CCT4: variants seen among roughly 807,000 people sequenced by gnomAD.
CCT4 encodes chaperonin containing TCP1 subunit 4, also known as T-complex protein 1 subunit delta.
Under a neutral mutation model 62.5 loss-of-function variants are expected in CCT4, and 17 were observed. The observed-to-expected ratio is 0.27, with a 90% CI of 0.19 to 0.41. The LOEUF (loss-of-function observed/expected upper bound fraction) is 0.41, where lower values mean the gene tolerates loss of function less well. Ranked by LOEUF, CCT4 falls within the 10% of genes least tolerant of loss-of-function variation. CCT4 has a pLI of 1.00. For synonymous variants in CCT4, 250 were observed against 229.9 expected (o/e 1.09, Z -0.79); for missense variants, 592 against 659.2 (o/e 0.90, Z 1.12).
intron 1 of CCT4, among the ~76,000 whole-genome samples, chr2:61,887,361 G>A (rs2105144985): frequency 6.6e-6 from 1 of 152,182 alleles, no homozygotes; most frequent in South Asian, 2.1e-4. Context: ...CTTTCTCACT[G>A]AATCCTCACA....
intron 1 of CCT4, chr2:61,885,702 A>G (rs6545916): frequency 0.97 from 147,376 of 152,308 alleles, 71,312 homozygotes; most frequent in East Asian, 1. Context: ...GTGAGCCACC[A>G]CGCCTGGCCT....
At chr2:61,875,713 T>C (rs1668983716) in intron 8 of CCT4, among the ~76,000 whole-genome samples, 1 of 152,196 alleles carries the variant, frequency 6.6e-6, no homozygotes, top group Non-Finnish European at 1.5e-5. Flanking sequence ...AAATAAGTTT[T>C]TTAAAAGGCC....
Position 61,876,209 on chromosome 2 carries a change from T to C in CCT4, c.803A>G (p.Asp268Gly), listed in dbSNP as rs1193787550. 6.2e-7 allele frequency: 1 copy of C among 1,607,940 alleles called. No individual in the cohort carries two copies. ...TDMDNQIVVS[D>G]YAQMDRVLRE... is the part of the protein sequence containing the mutation. ...CAGCACTCGGTCCATCTGGGCATAG[T>C]CAGAAACCACTATTTGATTATCCAT... Residue 268 changes from aspartate (D) to glycine (G), a missense_variant, in exon 8 of 14, where the codon GAC becomes GGC. By Grantham distance (94) the Asp-to-Gly change is moderately conservative. Coordinates refer to ENST00000394440, the MANE Select transcript of CCT4 (RefSeq NM_006430.4).
chr2:61,876,240 C>T lies in CCT4; in HGVS notation c.778-6G>A, dbSNP rs753925152. The T allele has an allele frequency of 9.5e-6, 15 of 1,571,024 alleles. No homozygotes were observed. In the South Asian group the frequency reaches 1.7e-4, roughly 18 times the overall value. ...ACCACTATTTGATTATCCATCTGTT[C>T]AGAAAAAGAACATCATAATTTGCAT... On this transcript the variant is annotated splice_polypyrimidine_tract_variant and splice_region_variant and intron_variant, in intron 7 of 13. Coordinates refer to ENST00000394440, the MANE Select transcript of CCT4 (RefSeq NM_006430.4).
intron 10 of CCT4, 108 bp downstream of exon 10, chr2:61,872,894 T>C: frequency 1.3e-6 from 1 of 745,626 alleles, no homozygotes; most frequent in Non-Finnish European, 2.4e-6. Context: ...GCCACTGCAC[T>C]CCAACCTGGG....
At position 61,872,382 on chromosome 2, in the gene CCT4, A is replaced by T; in HGVS notation, c.1257-66T>A. On this transcript the variant is annotated intron_variant, in intron 11 of 13. Transcript: ENST00000394440. ...AGAAAATTATTTTTAATAATTTGCTATTTATATCTTTAAAAAATAGAATAT... is the reference window on the plus strand; with the variant it reads ...AGAAAATTATTTTTAATAATTTGCTTTTTATATCTTTAAAAAATAGAATAT... 4 of 1,429,712 alleles carry T rather than the reference A, an allele frequency of 2.8e-6. No individual in the cohort carries two copies. The East Asian group carries it at 7.6e-5, about 27-fold the overall frequency. The allele number at this position is 1,429,712 out of a possible 1,614,324, so 88.6% of individuals were successfully genotyped here.
At chr2:61,887,255 G>C (rs961878670) in intron 1 of CCT4, among the ~76,000 whole-genome samples, 1 of 152,156 alleles carries the variant, frequency 6.6e-6, no homozygotes, top group African/African-American at 2.4e-5. Context: ...CTTACATCCA[G>C]CGTTACCTAT....
At chr2:61,877,164 C>T in intron 6 of CCT4, 112 bp from the exon 7 acceptor site, 2 of 1,034,086 alleles carry the variant, frequency 1.9e-6, no homozygotes, top group Non-Finnish European at 1.4e-6. Context: ...TTCAGCCTCA[C>T]ATTTATTATT....
chr2:61,872,016 A>G, intron 12 of CCT4, 66 bp downstream of exon 12: 1 of 1,110,612 alleles, frequency 9.0e-7, no homozygotes, highest in South Asian at 1.5e-5. Context: ...CATTCAACAG[A>G]TGACTACAAA....
At chr2:61,872,670 G>A in intron 10 of CCT4, 82 bp from the exon 11 acceptor site, 1 of 1,432,384 alleles carries the variant, frequency 7.0e-7, no homozygotes, top group Non-Finnish European at 9.6e-7. Flanking sequence ...GCTCACGCCT[G>A]TAAACCCAAC....
intron 8 of CCT4, among the ~76,000 whole-genome samples, chr2:61,874,336 C>T (rs1668951894): frequency 6.6e-6 from 1 of 152,066 alleles, no homozygotes; most frequent in Admixed American, 6.6e-5. Flanking sequence ...GGAAAAAATA[C>T]TGGCCAGGCA....
At chr2:61,886,727 TC>T (rs1307282126) in intron 1 of CCT4, among the ~76,000 whole-genome samples, 2 of 152,170 alleles carry the variant, frequency 1.3e-5, no homozygotes, top group African/African-American at 4.8e-5. Flanking sequence ...TTGTTGAATA[TC>T]AACCATATTA....
At chr2:61,882,586 G>A (rs1290281635) in intron 3 of CCT4, among the ~76,000 whole-genome samples, 1 of 151,732 alleles carries the variant, frequency 6.6e-6, no homozygotes, top group Non-Finnish European at 1.5e-5. Context: ...CGCAATCACA[G>A]CTCACTACCT....
intron 12 of CCT4, among the ~76,000 whole-genome samples, chr2:61,870,981 A>G (rs1384657787): frequency 0.014 from 2 of 142 alleles, no homozygotes; most frequent in Non-Finnish European, 0.029. Context: ...ACGGGAAGGA[A>G]AAAAAAAATG....
At chr2:61,884,660 C>G (rs1222196226) in intron 2 of CCT4, among the ~76,000 whole-genome samples, 2 of 150,862 alleles carry the variant, frequency 1.3e-5, no homozygotes, top group Non-Finnish European at 3.0e-5. Flanking sequence ...TAGAGTTTTG[C>G]TTTTATTGCC....
At chr2:61,870,020 G>C (rs1464154259) in intron 12 of CCT4, among the ~76,000 whole-genome samples, 1 of 149,456 alleles carries the variant, frequency 6.7e-6, no homozygotes, top group African/African-American at 2.4e-5. Context: ...GCTCACGCCT[G>C]TAATCCCAGC....
At chr2:61,877,370 A>C (rs752256824) in intron 6 of CCT4, 23 bp downstream of exon 6, 1 of 1,595,414 alleles carries the variant, frequency 6.3e-7, no homozygotes, top group East Asian at 2.2e-5. Flanking sequence ...ATTTTTATTC[A>C]AGTTGTAATT....
chr2:61,878,854 T>TA lies in CCT4; in HGVS notation c.522+14dup, dbSNP rs761609122. 36 of 1,588,252 alleles carry TA rather than the reference T, an allele frequency of 2.3e-5. No homozygotes were observed. The Admixed American group carries it at 4.9e-4, about 22-fold the overall frequency. ...TTTAACTAATTTGACAAGTATCCGT[T>TA]AGTGTTTGTCTCACCTTTGAGTTCA... On this transcript the variant is annotated intron_variant, in intron 5 of 13. Transcript: ENST00000394440.
chr2:61,882,130 A>G (rs1247384992), intron 3 of CCT4, among the ~76,000 whole-genome samples: 1 of 152,060 alleles, frequency 6.6e-6, no homozygotes, highest in South Asian at 2.1e-4. Flanking sequence ...ATGGGGTTTC[A>G]CGATGTTGGC....
Sources: gnomAD v4.1 joint callset for allele counts (sites outside exome capture counted in the v4.1 genomes callset) on GRCh38, gnomAD v4.1.1 for gene constraint, MANE v1.5 for transcripts, NCBI Gene and HGNC (gene_info 2026-07-23, HGNC 2026-07-21) for gene names.